Variants in CCL25 observed in about 807,000 individuals in gnomAD.
CCL25 encodes the protein C-C motif chemokine 25.
A neutral mutation model predicts 19.9 loss-of-function variants in CCL25; 14 were observed. The ratio of observed to expected loss-of-function variants is 0.70; its 90% CI spans 0.47 to 1.10. The LOEUF (loss-of-function observed/expected upper bound fraction) is 1.10. CCL25 is among the 50% of genes least tolerant of loss of function. The pLI, the probability that CCL25 is intolerant of heterozygous loss-of-function variation, is 0.00. For synonymous variants in CCL25, 68 were observed against 73.2 expected, an observed-to-expected ratio of 0.93 and a Z score of 0.36; for missense variants, 151 against 181.2, an observed-to-expected ratio of 0.83 and a Z score of 0.96.
chr19:8,059,244 G>A (rs1013459518), intron 5 of CCL25, among the ~76,000 whole-genome samples: 1 of 143,946 alleles, frequency 6.9e-6, no homozygotes, highest in Admixed American at 7.6e-5. Flanking sequence ...TGTTGCTGAG[G>A]CTGGAGTGCA....
chr19:8,056,865 CAG>C (rs1179650002), intron 4 of CCL25, among the ~76,000 whole-genome samples: 2 of 152,056 alleles, frequency 1.3e-5, no homozygotes, highest in South Asian at 2.1e-4. Flanking sequence ...TATTTTGAGA[CAG>C]AGTCTTACTG....
At chr19:8,053,761 G>C (rs1235813703) in intron 2 of CCL25, among the ~76,000 whole-genome samples, 2 of 151,872 alleles carry the variant, frequency 1.3e-5, no homozygotes, top group African/African-American at 4.8e-5. Flanking sequence ...GTTGGCCAGA[G>C]TAGTCTCGAT....
chr19:8,061,437 G>A (rs2081317325), intron 5 of CCL25, among the ~76,000 whole-genome samples: 1 of 152,074 alleles, frequency 6.6e-6, no homozygotes, highest in Non-Finnish European at 1.5e-5. Flanking sequence ...GAGCCACCAT[G>A]CCCAGCCAAC....
chr19:8,052,859 CT>C, intron 1 of CCL25, 37 bp downstream of exon 1: 1 of 537,382 alleles, frequency 1.9e-6, no homozygotes, highest in Non-Finnish European at 3.3e-6. Context: ...AGATGAACAG[CT>C]TTTCCCTCCA....
In CCL25 at chr19:8,056,353, C is replaced by G. The variant is rs2081272361; in HGVS notation, c.192-13C>G. The G allele has an allele frequency of 1.2e-6, 2 of 1,612,798 alleles. No homozygotes were observed. The highest frequency in any genetic ancestry group is 1.7e-6 in the Non-Finnish European group (2 of 1,179,544). On this transcript the variant is annotated splice_polypyrimidine_tract_variant and intron_variant, in intron 3 of 5. Transcript: ENST00000315626. ...TACACCCTAACCTGGGCACCCCCCT[C>G]TGCTCACCACAGATTCTACCTCCCC...
chr19:8,057,932 T>A lies in CCL25; in HGVS notation c.445+12T>A. ...ATCAGCTAATTCAGGTAAGGACTCT[T>A]GGTCATGTGACTGTCTCCCATCCAT... is the stretch of plus-strand genomic sequence containing the variant. On this transcript the variant is annotated intron_variant, in intron 5 of 5. Transcript: ENST00000315626. 1 of 1,609,456 alleles carries A rather than the reference T, an allele frequency of 6.2e-7. No homozygotes were observed. Among genetic ancestry groups the A allele is most frequent in the Non-Finnish European group, 8.5e-7 (1 of 1,176,980 alleles).
intron 5 of CCL25, 118 bp from the exon 6 acceptor site, chr19:8,062,100 C>T (rs539111187): frequency 1.4e-5 from 10 of 709,340 alleles, no homozygotes; most frequent in South Asian, 1.1e-4. Flanking sequence ...ACTCCTATTA[C>T]TCAGAAATTC....
At chr19:8,059,654 A>G (rs1342067492) in intron 5 of CCL25, among the ~76,000 whole-genome samples, 1 of 152,156 alleles carries the variant, frequency 6.6e-6, no homozygotes, top group Non-Finnish European at 1.5e-5. Flanking sequence ...TGGTTGGATC[A>G]TTCGATAGAA....
At chr19:8,052,956 C>T (rs888544895) in intron 1 of CCL25, 44 bp from the exon 2 acceptor site, 9 of 770,344 alleles carry the variant, frequency 1.2e-5, no homozygotes, top group Non-Finnish European at 1.9e-5. Flanking sequence ...GTACCCACTC[C>T]CCTCCTCTTC....
At chr19:8,055,677 G>A (rs2081266110) in intron 2 of CCL25, among the ~76,000 whole-genome samples, 1 of 151,936 alleles carries the variant, frequency 6.6e-6, no homozygotes, top group Non-Finnish European at 1.5e-5. Context: ...CACCATATTG[G>A]CCAGGCTAGT....
chr19:8,055,675 T>C (rs2081266073), intron 2 of CCL25, among the ~76,000 whole-genome samples: 1 of 152,000 alleles, frequency 6.6e-6, no homozygotes, highest in Admixed American at 6.6e-5. Flanking sequence ...TTCACCATAT[T>C]GGCCAGGCTA....
In CCL25 at chr19:8,062,315, C is replaced by T. The variant is rs2081324041; in HGVS notation, c.*90C>T. On this transcript the variant is annotated 3_prime_UTR_variant, in exon 6 of 6. Coordinates refer to ENST00000315626, the MANE Select transcript of CCL25 (RefSeq NM_005624.4). ...CCCTACAGACCCAGCTGTCCCCACGCCTCTGTCTTTTGGGTCAAGTCTTAA... is the reference window on the plus strand; with the variant it reads ...CCCTACAGACCCAGCTGTCCCCACGTCTCTGTCTTTTGGGTCAAGTCTTAA... The T allele has an allele frequency of 1.5e-5, 21 of 1,444,004 alleles. No homozygotes were observed. The highest frequency in any genetic ancestry group is 4.7e-4 in the Middle Eastern group (2 of 4,214). 89.4% of individuals were successfully genotyped at this position (1,444,004 alleles called of 1,614,324 possible). A position where few individuals can be genotyped will look rare whatever the true frequency, so the allele number is the denominator to read the frequency against.
chr19:8,052,501 T>C (rs2081239114), upstream of CCL25, among the ~76,000 whole-genome samples: 1 of 151,548 alleles, frequency 6.6e-6, no homozygotes. Flanking sequence ...AGGCAGCCAG[T>C]GTCCACCAGG....
At chr19:8,057,684 A>G in intron 4 of CCL25, 117 bp from the exon 5 acceptor site, 1 of 1,409,810 alleles carries the variant, frequency 7.1e-7, no homozygotes, top group South Asian at 1.5e-5. Flanking sequence ...GGAAAGCTCA[A>G]GCACATGGGA....
At chr19:8,059,070 TATATAATATATATA>T (rs1467230615) in intron 5 of CCL25, among the ~76,000 whole-genome samples, 1 of 33,692 alleles carries the variant, frequency 3.0e-5, no homozygotes, top group Non-Finnish European at 7.8e-5. Context: ...ATATATATAA[TATATAATATATATA>T]ATATATATAA....
rs371249898 is a variant in CCL25, at chr19:8,060,914, T to G, written c.446-1304T>G. On this transcript the variant is annotated intron_variant, in intron 5 of 5. Coordinates refer to ENST00000315626, the MANE Select transcript of CCL25 (RefSeq NM_005624.4). ...CCAGGATGGTCTCGATCTCCTGACT[T>G]CATGATCCACCAGCCTCAGCCTCCC... Among the ~76,000 whole-genome samples the G allele has an allele frequency of 1.1e-3, 171 of 151,654 alleles. 2 individuals are homozygous for G. In the South Asian group the frequency reaches 0.033, roughly 29 times the overall value.
Position 8,062,483 on chromosome 19 carries a change from A to G in CCL25, c.*258A>G. ...ATCCTGGGCAGCCAGTGGCTCTTGT[A>G]GAGAAGACTTAGGATACCTCTCTCA... On this transcript the variant is annotated 3_prime_UTR_variant, in exon 6 of 6. Transcript: ENST00000315626. 1 of 537,570 alleles carries G rather than the reference A, an allele frequency of 1.9e-6. No homozygotes were observed. Among genetic ancestry groups the G allele is most frequent in the Non-Finnish European group, 3.3e-6 (1 of 299,222 alleles). 33.3% of individuals were successfully genotyped at this position (537,570 alleles called of 1,614,324 possible).
chr19:8,060,866 G>A (rs2081313230), intron 5 of CCL25, among the ~76,000 whole-genome samples: 1 of 151,424 alleles, frequency 6.6e-6, no homozygotes, highest in African/African-American at 2.4e-5. Context: ...ATTTTTAGTA[G>A]AGACGGGGTT....
rs377306114 is a variant in CCL25, at chr19:8,053,082, C to T, written c.33C>T (p.Ala11=). The T allele has an allele frequency of 7.5e-5, 116 of 1,556,130 alleles. No homozygotes were observed. In the Middle Eastern group the frequency reaches 8.3e-4, roughly 11 times the overall value. MNLWLLACLV[A]GFLGAWAPAV... ...TGTGGCTCCTGGCCTGCCTGGTGGCCGGCTTCCTGGGAGCCTGGGCCCCCG... is the reference window on the plus strand; with the variant it reads ...TGTGGCTCCTGGCCTGCCTGGTGGCTGGCTTCCTGGGAGCCTGGGCCCCCG... The change falls in exon 2 of 6, where the codon GCC becomes GCT. Residue 11 remains alanine, a synonymous_variant. Coordinates refer to ENST00000315626, the MANE Select transcript of CCL25 (RefSeq NM_005624.4).
Sources: gnomAD v4.1 joint callset for allele counts (sites outside exome capture counted in the v4.1 genomes callset) on GRCh38, gnomAD v4.1.1 for gene constraint, MANE v1.5 for transcripts, NCBI Gene and HGNC (gene_info 2026-07-23, HGNC 2026-07-21) for gene names.